Variants in IFT80 observed in about 807,000 individuals in gnomAD.
IFT80 encodes intraflagellar transport 80.
IFT80 carries 79 observed loss-of-function variants against 107.9 expected under a neutral mutation model. That is an observed-to-expected ratio of 0.73 (90% CI 0.61 to 0.88). The LOEUF (loss-of-function observed/expected upper bound fraction) is 0.88. Among genes scored for constraint, IFT80 ranks in the 40% least tolerant of loss-of-function variants. The probability of loss-of-function intolerance (pLI) is 0.00; values close to 1 mark genes in which losing one functional copy is unlikely to be tolerated. For missense variants in IFT80, 797 were observed against 914.2 expected, an observed-to-expected ratio of 0.87 and a Z score of 1.65; for synonymous variants, 299 against 300.9, an observed-to-expected ratio of 0.99 and a Z score of 0.07.
chr3:160,324,313 G>A (rs1395651855), intron 8 of IFT80, among the ~76,000 whole-genome samples: 8 of 151,972 alleles, frequency 5.3e-5, no homozygotes, highest in Admixed American at 3.3e-4. Context: ...GAAGCCGGGT[G>A]GAGACACAAC....
chr3:160,386,292 G>A (rs907549661), intron 1 of IFT80, among the ~76,000 whole-genome samples: 14 of 152,176 alleles, frequency 9.2e-5, no homozygotes, highest in African/African-American at 3.4e-4. Flanking sequence ...GATTGAATGA[G>A]GGAATAAAAG....
intron 8 of IFT80, among the ~76,000 whole-genome samples, chr3:160,352,353 G>A (rs1259542705): frequency 6.6e-6 from 1 of 152,146 alleles, no homozygotes; most frequent in Non-Finnish European, 1.5e-5. Flanking sequence ...TAAATTACCT[G>A]AGATTTTTAA....
chr3:160,316,682 G>A (rs1184295507), intron 9 of IFT80, among the ~76,000 whole-genome samples: 1 of 152,056 alleles, frequency 6.6e-6, no homozygotes, highest in African/African-American at 2.4e-5. Context: ...TGACTGGCTA[G>A]ATGGGATTGA....
intron 6 of IFT80, among the ~76,000 whole-genome samples, chr3:160,365,120 T>C (rs1234536279): frequency 3.3e-5 from 5 of 152,090 alleles, no homozygotes; most frequent in East Asian, 1.9e-4. Context: ...GCGTAGGTAA[T>C]TGGCATGGAA....
intron 5 of IFT80, among the ~76,000 whole-genome samples, chr3:160,368,550 T>C (rs1211804753): frequency 2.0e-5 from 3 of 151,898 alleles, no homozygotes; most frequent in Non-Finnish European, 4.4e-5. Context: ...GAGTATATTT[T>C]CTGGGAATAT....
At chr3:160,312,213 G>C (rs1361869206) in intron 9 of IFT80, among the ~76,000 whole-genome samples, 4 of 152,016 alleles carry the variant, frequency 2.6e-5, no homozygotes, top group African/African-American at 9.7e-5. Context: ...GTGCCCTCTG[G>C]AACTGAGCAG....
At chr3:160,369,409 T>C (rs1467133079) in intron 5 of IFT80, among the ~76,000 whole-genome samples, 3 of 151,926 alleles carry the variant, frequency 2.0e-5, no homozygotes, top group Non-Finnish European at 2.9e-5. Context: ...TGATCTTTAT[T>C]ATAATCATTC....
chr3:160,278,051 T>C (rs1576740978), intron 16 of IFT80, among the ~76,000 whole-genome samples: 1 of 152,302 alleles, frequency 6.6e-6, no homozygotes, highest in East Asian at 1.9e-4. Context: ...GATATACCAG[T>C]TAAGAAGAAA....
At chr3:160,358,858 A>C (rs112798996) in intron 6 of IFT80, among the ~76,000 whole-genome samples, 41 of 152,346 alleles carry the variant, frequency 2.7e-4, no homozygotes, top group Non-Finnish European at 4.9e-4. Context: ...TTTGAACAAG[A>C]AGCTCCTTGA....
At chr3:160,325,180 A>T (rs1206334322) in intron 8 of IFT80, among the ~76,000 whole-genome samples, 1 of 142,166 alleles carries the variant, frequency 7.0e-6, no homozygotes, top group Non-Finnish European at 1.6e-5. Context: ...AGGAAGAATC[A>T]ATATCGTGAA....
At chr3:160,371,949 A>C (rs1395870990) in intron 5 of IFT80, among the ~76,000 whole-genome samples, 1 of 152,230 alleles carries the variant, frequency 6.6e-6, no homozygotes, top group Non-Finnish European at 1.5e-5. Context: ...TCTGGTGTAC[A>C]TATTATTTTT....
intron 2 of IFT80, among the ~76,000 whole-genome samples, chr3:160,382,312 T>A: frequency 6.6e-6 from 1 of 152,090 alleles, no homozygotes; most frequent in East Asian, 1.9e-4. Flanking sequence ...TTACCAAACT[T>A]TTTTTAAATT....
At chr3:160,380,781 C>A (rs1712421607) in intron 3 of IFT80, among the ~76,000 whole-genome samples, 1 of 152,012 alleles carries the variant, frequency 6.6e-6, no homozygotes. Context: ...AACTCTGTAA[C>A]TGAAAATTAA....
chr3:160,302,976 A>C (rs1419690674), intron 11 of IFT80, among the ~76,000 whole-genome samples: 1 of 152,094 alleles, frequency 6.6e-6, no homozygotes. Context: ...AGTTTTCTCC[A>C]TGTTCCCTTG....
intron 6 of IFT80, among the ~76,000 whole-genome samples, chr3:160,364,568 C>T (rs1483369050): frequency 6.6e-6 from 1 of 152,152 alleles, no homozygotes; most frequent in Non-Finnish European, 1.5e-5. Context: ...TTTATGGTGG[C>T]ACTATTCACA....
rs140499147 is a variant in IFT80 at position 160,381,698 on chromosome 3, A to G, written c.64T>C (p.Trp22Arg). 6.2e-7 allele frequency: 1 copy of G among 1,612,056 alleles called. No individual in the cohort carries two copies. Among genetic ancestry groups the G allele is most frequent in the Non-Finnish European group, 8.5e-7 (1 of 1,179,850 alleles). ...GAATACAGCTCTTCAGCAGTAGTCC[A>G]GCCCACACAGCTTACTAATTCTTGA... Reference protein sequence around the residue: ...KHQELVSCVGWTTAEELYSCS... With the variant: ...KHQELVSCVGRTTAEELYSCS... Residue 22 changes from tryptophan (W) to arginine (R), a missense_variant, in exon 3 of 20, where the codon TGG becomes CGG. Trp to Arg is a moderately radical substitution (Grantham distance 101). Transcript: ENST00000326448.
chr3:160,314,493 G>A (rs62272180), intron 9 of IFT80, among the ~76,000 whole-genome samples: 18,887 of 152,056 alleles, frequency 0.12, 1,957 homozygotes, highest in African/African-American at 0.28. Flanking sequence ...TCAGAGAGAC[G>A]GTAGGGCAAA....
chr3:160,318,640 C>T lies in IFT80; in HGVS notation c.957+1120G>A, dbSNP rs549369031. Among the ~76,000 whole-genome samples, 3 of 152,186 alleles carry T rather than the reference C, an allele frequency of 2.0e-5. No individual in the cohort carries two copies. In the East Asian group the frequency reaches 5.8e-4, roughly 29 times the overall value. ...CTTTGACCTGTAAAACATTTCTCCC[C>T]ACTTCCCACTGCCACATCCGAACCT... On this transcript the variant is annotated intron_variant, in intron 9 of 19. Transcript: ENST00000326448.
intron 13 of IFT80, among the ~76,000 whole-genome samples, chr3:160,285,187 A>G (rs1382198897): frequency 6.6e-6 from 1 of 152,158 alleles, no homozygotes; most frequent in Non-Finnish European, 1.5e-5. Flanking sequence ...AAAAACAAAC[A>G]AACAAAAAAA....
Sources: allele counts gnomAD v4.1 joint callset (sites outside exome capture counted in the v4.1 genomes callset), GRCh38; gene constraint gnomAD v4.1.1; transcripts MANE v1.5; gene names NCBI Gene and HGNC (gene_info 2026-07-23, HGNC 2026-07-21).